BATF: variants seen among roughly 807,000 people sequenced by gnomAD.
BATF encodes basic leucine zipper transcriptional factor ATF-like.
In BATF, 5 loss-of-function variants were observed where a neutral mutation model predicts 13.7. The ratio of observed to expected loss-of-function variants is 0.36; its 90% confidence interval spans 0.19 to 0.77. BATF has a LOEUF of 0.77. Ranked by LOEUF, BATF falls within the 30% of genes least tolerant of loss-of-function variation. BATF has a pLI of 0.51. For missense variants in BATF, 124 were observed against 163.0 expected, an observed-to-expected ratio of 0.76 and a Z score of 1.30; for synonymous variants, 72 against 67.5, an observed-to-expected ratio of 1.07 and a Z score of -0.33.
intron 2 of BATF, among the ~76,000 whole-genome samples, chr14:75,531,247 G>T (rs1006969584): frequency 6.6e-6 from 1 of 152,160 alleles, no homozygotes. Flanking sequence ...GATAAAAGAT[G>T]GCAAATCCGT....
At chr14:75,541,829 A>G (rs1887900899) in intron 2 of BATF, among the ~76,000 whole-genome samples, 1 of 152,024 alleles carries the variant, frequency 6.6e-6, no homozygotes, top group South Asian at 2.1e-4. Flanking sequence ...ACGCCCGGCT[A>G]ATTTTTGTAT....
chr14:75,523,070 G>C (rs1887597549), intron 1 of BATF, among the ~76,000 whole-genome samples: 1 of 152,166 alleles, frequency 6.6e-6, no homozygotes. Flanking sequence ...AGAGAAAAGA[G>C]TCTACTGTTC....
At chr14:75,532,102 C>G (rs1887743244) in intron 2 of BATF, among the ~76,000 whole-genome samples, 1 of 152,190 alleles carries the variant, frequency 6.6e-6, no homozygotes, top group Non-Finnish European at 1.5e-5. Context: ...TGCATAAAAG[C>G]TGTATTTTAT....
chr14:75,540,871 C>T (rs929674151), intron 2 of BATF, among the ~76,000 whole-genome samples: 3 of 152,138 alleles, frequency 2.0e-5, no homozygotes, highest in African/African-American at 7.2e-5. Context: ...GGATCACTTG[C>T]GGTCAGAAGT....
chr14:75,539,742 G>A (rs1887869151), intron 2 of BATF, among the ~76,000 whole-genome samples: 1 of 152,080 alleles, frequency 6.6e-6, no homozygotes, highest in South Asian at 2.1e-4. Context: ...ATTATTCAGC[G>A]CAAAGATCTG....
intron 2 of BATF, among the ~76,000 whole-genome samples, chr14:75,539,849 C>T (rs1049621811): frequency 2.0e-5 from 3 of 152,088 alleles, no homozygotes; most frequent in African/African-American, 7.2e-5. Context: ...TAGATCCTCC[C>T]GCTGCTTGGG....
Position 75,546,708 on chromosome 14 carries a change from C to T in BATF, c.*37C>T. 6.6e-7 allele frequency: 1 copy of T among 1,521,562 alleles called. No homozygotes were observed. The highest frequency in any genetic ancestry group is 1.4e-5 in the African/African-American group (1 of 72,710). The allele number at this position is 1,521,562 out of a possible 1,614,324, so 94.3% of individuals were successfully genotyped here. A position where few individuals can be genotyped will look rare whatever the true frequency, so the allele number is the denominator to read the frequency against. On this transcript the variant is annotated 3_prime_UTR_variant, in exon 3 of 3. Transcript: ENST00000286639. ...GGGGAGAGCAGAGCCTCGGGAGGGG[C>T]ACACAGACTGTGGCAGAGCTGCGCC... is the stretch of plus-strand genomic sequence containing the variant.
intron 2 of BATF, among the ~76,000 whole-genome samples, chr14:75,540,873 G>T (rs2140041624): frequency 6.6e-6 from 1 of 152,278 alleles, no homozygotes; most frequent in Non-Finnish European, 1.5e-5. Flanking sequence ...ATCACTTGCG[G>T]TCAGAAGTTC....
At chr14:75,546,400 A>G in intron 2 of BATF, 62 bp from the exon 3 acceptor site, 2 of 1,569,400 alleles carry the variant, frequency 1.3e-6, no homozygotes, top group South Asian at 1.1e-5. Flanking sequence ...GTCCCTCCGC[A>G]CCCCACCCAC....
chr14:75,537,155 T>C (rs1391845762), intron 2 of BATF, among the ~76,000 whole-genome samples: 5 of 152,284 alleles, frequency 3.3e-5, no homozygotes, highest in Non-Finnish European at 5.9e-5. Context: ...GGGTCAAATT[T>C]GAACTAGGGA....
intron 1 of BATF, among the ~76,000 whole-genome samples, chr14:75,523,798 A>G (rs1191671018): frequency 6.6e-6 from 1 of 152,226 alleles, no homozygotes; most frequent in Non-Finnish European, 1.5e-5. Flanking sequence ...TAAGCCTCTA[A>G]TAACGGAGCA....
At chr14:75,543,707 C>G (rs117763876) in intron 2 of BATF, among the ~76,000 whole-genome samples, 7 of 151,760 alleles carry the variant, frequency 4.6e-5, no homozygotes, top group Admixed American at 2.0e-4. Context: ...ATTGTAGATA[C>G]TGGGTCTCAA....
chr14:75,542,909 G>T (rs765894930), intron 2 of BATF, among the ~76,000 whole-genome samples: 3 of 152,234 alleles, frequency 2.0e-5, no homozygotes, highest in Non-Finnish European at 4.4e-5. Context: ...TAGGGAGGAA[G>T]GACCCGCTGT....
rs1356207558 is a variant in BATF at position 75,522,616 on chromosome 14, C to G, written c.-67C>G. ...GGCCCAGGAGAAGTCAGGAAGGGAG[C>G]CCAGCTGGTGACAAGAGAGCCCAGA... On this transcript the variant is annotated 5_prime_UTR_variant, in exon 1 of 3. Transcript: ENST00000286639. 6 of 1,594,064 alleles carry G rather than the reference C, an allele frequency of 3.8e-6. No individual in the cohort carries two copies. Among genetic ancestry groups the G allele is most frequent in the Non-Finnish European group, 4.3e-6 (5 of 1,162,506 alleles).
At chr14:75,523,602 A>G (rs945358360) in intron 1 of BATF, among the ~76,000 whole-genome samples, 29 of 151,850 alleles carry the variant, frequency 1.9e-4, no homozygotes, top group African/African-American at 6.5e-4. Flanking sequence ...TCTGCACCAC[A>G]CTCTTGACAT....
At chr14:75,527,002 G>A (rs555479007) in intron 2 of BATF, among the ~76,000 whole-genome samples, 10 of 152,266 alleles carry the variant, frequency 6.6e-5, no homozygotes, top group Non-Finnish European at 1.0e-4. Flanking sequence ...AGTATAGTTC[G>A]GCAGCTCAGC....
intron 2 of BATF, among the ~76,000 whole-genome samples, chr14:75,544,922 G>A (rs965648090): frequency 3.3e-5 from 5 of 151,222 alleles, no homozygotes; most frequent in African/African-American, 1.2e-4. Flanking sequence ...CCGGAATTGC[G>A]ATCTCCTGGG....
intron 2 of BATF, among the ~76,000 whole-genome samples, chr14:75,534,905 T>C (rs1465868062): frequency 2.0e-5 from 3 of 152,182 alleles, no homozygotes; most frequent in Non-Finnish European, 2.9e-5. Flanking sequence ...ATCACGATGT[T>C]CATCTCAGCA....
intron 2 of BATF, among the ~76,000 whole-genome samples, chr14:75,527,333 A>C (rs1887667955): frequency 6.6e-6 from 1 of 152,194 alleles, no homozygotes. Flanking sequence ...AAGGTTTCTT[A>C]AAGGCTAGAA....
Sources: allele counts gnomAD v4.1 joint callset (sites outside exome capture counted in the v4.1 genomes callset), GRCh38; gene constraint gnomAD v4.1.1; transcripts MANE v1.5; gene names NCBI Gene and HGNC (gene_info 2026-07-23, HGNC 2026-07-21).